The following HIVEP3 variants were observed in gnomAD, a reference collection of about 807,000 sequenced individuals.
The protein encoded by HIVEP3 is HIVEP zinc finger 3.
A neutral mutation model predicts 152.8 loss-of-function variants in HIVEP3; 49 were observed. The observed-to-expected ratio is 0.32, with a 90% confidence interval of 0.26 to 0.41. The LOEUF is 0.41. Among genes scored for constraint, HIVEP3 ranks in the 10% least tolerant of loss-of-function variants. The pLI, the probability that HIVEP3 is intolerant of heterozygous loss-of-function variation, is 1.00. For synonymous variants in HIVEP3, 1,269 were observed against 1,289.0 expected (o/e 0.98, Z 0.33); for missense variants, 2,790 against 3,103.3 (o/e 0.90, Z 2.40).
At chr1:41,888,273 C>T (rs867131053) in intron 1 of HIVEP3, among the ~76,000 whole-genome samples, 1 of 141,870 alleles carries the variant, frequency 7.0e-6, no homozygotes, top group African/African-American at 2.7e-5. Context: ...AGGATGGTCT[C>T]AATCTCCTGA....
intron 2 of HIVEP3, among the ~76,000 whole-genome samples, chr1:41,694,435 T>C (rs1202102192): frequency 1.3e-5 from 2 of 152,222 alleles, no homozygotes; most frequent in Non-Finnish European, 2.9e-5. Context: ...GTCGGGGCTC[T>C]GGAGATATTT....
In HIVEP3 at chr1:41,514,500, G is replaced by A. The variant is rs74071564; in HGVS notation, c.5471-750C>T. 4.3e-3 allele frequency among the ~76,000 whole-genome samples: 657 copies of A among 152,304 alleles called. 10 individuals are homozygous for A. Among genetic ancestry groups the A allele is most frequent in the African/African-American group, 0.015 (609 of 41,574 alleles). ...GGCACAATGGCATCTGGCAGGTGGC[G>A]GACTCTGGCCTCTGTGGGCGGCTTG... On this transcript the variant is annotated intron_variant, in intron 7 of 8. Coordinates refer to ENST00000372583, the MANE Select transcript of HIVEP3 (RefSeq NM_024503.5).
chr1:41,821,862 G>T (rs947716490), intron 1 of HIVEP3, among the ~76,000 whole-genome samples: 3 of 152,166 alleles, frequency 2.0e-5, no homozygotes, highest in Non-Finnish European at 4.4e-5. Flanking sequence ...TAATTGTGTT[G>T]ATCATGCTGC....
At chr1:41,851,885 T>C (rs1333390916) in intron 1 of HIVEP3, among the ~76,000 whole-genome samples, 3 of 152,152 alleles carry the variant, frequency 2.0e-5, no homozygotes, top group Non-Finnish European at 4.4e-5. Flanking sequence ...CAATGAGGTG[T>C]ACTGGAATGA....
At chr1:41,840,578 C>A (rs988787521) in intron 1 of HIVEP3, among the ~76,000 whole-genome samples, 1 of 152,176 alleles carries the variant, frequency 6.6e-6, no homozygotes, top group Non-Finnish European at 1.5e-5. Flanking sequence ...TCAGTTTGTG[C>A]TAATTTATTA....
At chr1:41,592,102 T>C (rs1444638091) in intron 3 of HIVEP3, among the ~76,000 whole-genome samples, 1 of 152,142 alleles carries the variant, frequency 6.6e-6, no homozygotes, top group African/African-American at 2.4e-5. Context: ...CACCTGGGTC[T>C]CCTCACCACA....
At chr1:41,846,051 G>A (rs1643435054) in intron 1 of HIVEP3, among the ~76,000 whole-genome samples, 1 of 152,170 alleles carries the variant, frequency 6.6e-6, no homozygotes, top group Non-Finnish European at 1.5e-5. Flanking sequence ...GCAACAGAGT[G>A]AGACTCCATC....
intron 1 of HIVEP3, among the ~76,000 whole-genome samples, chr1:41,883,849 CCATA>C (rs1644300933): frequency 6.6e-6 from 1 of 152,122 alleles, no homozygotes. Flanking sequence ...AAAGTTGTAA[CCATA>C]CATACTTAAG....
intron 1 of HIVEP3, among the ~76,000 whole-genome samples, chr1:41,955,994 T>C (rs1407777981): frequency 6.6e-6 from 1 of 152,216 alleles, no homozygotes; most frequent in African/African-American, 2.4e-5. Flanking sequence ...CACTCCTGAA[T>C]GATTTAGGCT....
rs534352686 is a variant in HIVEP3 at position 41,616,760 on chromosome 1, GT to G, written c.-522+11988del. 3.0e-4 allele frequency among the ~76,000 whole-genome samples: 45 copies of G among 151,198 alleles called. No homozygotes were observed. In the South Asian group the frequency reaches 3.8e-3, roughly 13 times the overall value. On this transcript the variant is annotated intron_variant, in intron 3 of 8. Transcript: ENST00000372583. ...GTGCTACTGCACCTGCTCAATTTTT[GT>G]TTTTCTAAAAATGGTATCATCCTAT...
chr1:41,849,620 T>C (rs1489174481), intron 1 of HIVEP3, among the ~76,000 whole-genome samples: 2 of 152,118 alleles, frequency 1.3e-5, no homozygotes, highest in Non-Finnish European at 2.9e-5. Context: ...TTGCAATATT[T>C]GCACAGACAT....
chr1:41,979,516 C>A (rs974014725), intron 1 of HIVEP3, among the ~76,000 whole-genome samples: 63 of 152,202 alleles, frequency 4.1e-4, no homozygotes, highest in African/African-American at 1.5e-3. Context: ...TCAGGCCTTT[C>A]CTATTTCACT....
chr1:41,709,359 C>G (rs968177271), intron 1 of HIVEP3, among the ~76,000 whole-genome samples: 2 of 152,230 alleles, frequency 1.3e-5, no homozygotes, highest in African/African-American at 4.8e-5. Flanking sequence ...ACCCCAGCAG[C>G]AGGCCAGGAC....
chr1:41,845,569 C>T, intron 1 of HIVEP3, among the ~76,000 whole-genome samples: 1 of 152,030 alleles, frequency 6.6e-6, no homozygotes, highest in East Asian at 1.9e-4. Flanking sequence ...TATTGCCAAG[C>T]CTTCCATTAA....
At chr1:41,738,003 C>T (rs967162592) in intron 1 of HIVEP3, among the ~76,000 whole-genome samples, 4 of 152,196 alleles carry the variant, frequency 2.6e-5, no homozygotes, top group Non-Finnish European at 4.4e-5. Flanking sequence ...TGGATCCATG[C>T]CATGTCTATA....
rs780156198 is a variant in HIVEP3 at position 41,583,448 on chromosome 1, G to A, written c.1350C>T (p.Ser450=). The A allele has an allele frequency of 1.9e-6, 3 of 1,614,036 alleles. No homozygotes were observed. The highest frequency in any genetic ancestry group is 1.1e-5 in the South Asian group (1 of 91,050). Residue 450 remains serine (S), a synonymous_variant, in exon 4 of 9, where the codon AGC becomes AGT. Coordinates refer to ENST00000372583, the MANE Select transcript of HIVEP3 (RefSeq NM_024503.5). This position sits in a 1 kb window ranked among gnomAD's most constrained non-coding sequence, Gnocchi z 6.9. ...TCCGGGGTACAGACAAAGGCACCAG[G>A]CTGGGCTTGTCTTCGGTGGACAGGG... ...LLPLSTEDKP[S]LVPLSVPRTQ... is the part of the protein sequence containing the mutation.
At chr1:41,724,087 G>A (rs561620340) in intron 1 of HIVEP3, among the ~76,000 whole-genome samples, 5 of 152,226 alleles carry the variant, frequency 3.3e-5, no homozygotes, top group Admixed American at 2.0e-4. Flanking sequence ...GGGGCAGCTC[G>A]AGGATGAATC....
Position 41,858,197 on chromosome 1 carries a change from A to ACAGCACTCTGCT in HIVEP3, c.-801+60204_-801+60215dup, listed in dbSNP as rs547827577. 9.6e-3 allele frequency among the ~76,000 whole-genome samples: 1,468 copies of ACAGCACTCTGCT among 152,338 alleles called. 8 individuals are homozygous for ACAGCACTCTGCT. Among genetic ancestry groups the ACAGCACTCTGCT allele is most frequent in the South Asian group, 0.015 (74 of 4,828 alleles). On this transcript the variant is annotated intron_variant, in intron 1 of 8. Transcript: ENST00000372583. Reference sequence around the variant, plus strand: ...GTTAGGTGGCCCTGCAGATGCTACCACAGCACTCTGCTCTGTTGGGACACC... The same window carrying ACAGCACTCTGCT: ...GTTAGGTGGCCCTGCAGATGCTACCACAGCACTCTGCTCAGCACTCTGCTCTGTTGGGACACC...
chr1:41,639,839 G>T (rs1429128129), intron 2 of HIVEP3, among the ~76,000 whole-genome samples: 2 of 152,176 alleles, frequency 1.3e-5, no homozygotes, highest in African/African-American at 4.8e-5. Context: ...GCTGACTCAC[G>T]GATGAGTGAG....
Sources: allele counts gnomAD v4.1 joint callset (sites outside exome capture counted in the v4.1 genomes callset), GRCh38; gene constraint gnomAD v4.1.1; non-coding constraint Gnocchi (gnomAD v3.1); transcripts MANE v1.5; gene names NCBI Gene and HGNC (gene_info 2026-07-23, HGNC 2026-07-21).